CELF2: variants seen among roughly 807,000 people sequenced by gnomAD.
The protein encoded by CELF2 is CUG triplet repeat RNA-binding protein 2.
Under a neutral mutation model 62.6 loss-of-function variants are expected in CELF2, and 8 were observed. The ratio of observed to expected loss-of-function variants is 0.13; its 90% confidence interval spans 0.07 to 0.23. The LOEUF is 0.23. Ranked by LOEUF, CELF2 falls within the 10% of genes least tolerant of loss-of-function variation. CELF2 has a pLI of 1.00. For missense variants in CELF2, 333 were observed against 671.0 expected, an observed-to-expected ratio of 0.50 and a Z score of 5.56; for synonymous variants, 258 against 250.0, an observed-to-expected ratio of 1.03 and a Z score of -0.30.
rs620521 is a variant in CELF2, at chr10:11,159,981, C to T, written c.75-5505C>T. Among the ~76,000 whole-genome samples the T allele has an allele frequency of 0.35, 53,131 of 152,050 alleles. 10,031 individuals carry two copies. Among genetic ancestry groups the T allele is most frequent in the East Asian group, 0.78 (4,012 of 5,146 alleles). On this transcript the variant is annotated intron_variant, in intron 1 of 12. Transcript: ENST00000633077. This position sits in a 1 kb window ranked among gnomAD's most constrained non-coding sequence, Gnocchi z 5.0. Reference sequence around the variant, plus strand: ...GCACCCCAATTAACCGGCCACTCAGCGGCCTGTCGGAGCCTCCAGGCTACT... The same window carrying T: ...GCACCCCAATTAACCGGCCACTCAGTGGCCTGTCGGAGCCTCCAGGCTACT...
chr10:10,961,418 A>G (rs1211504265), intron 2 of CELF2, among the ~76,000 whole-genome samples: 1 of 152,242 alleles, frequency 6.6e-6, no homozygotes, highest in African/African-American at 2.4e-5. Context: ...AAATTAAAAC[A>G]ATGGTCTCAG....
intron 1 of CELF2, among the ~76,000 whole-genome samples, chr10:11,025,239 G>GTGTGTGTGTGTGTGTATATA (rs61580670): frequency 7.1e-6 from 1 of 140,998 alleles, no homozygotes; most frequent in African/African-American, 2.6e-5. Flanking sequence ...GTGTGTGTGT[G>GTGTGTGTGTGTGTGTATATA]TATATGTATG....
the CELF2 span, among the ~76,000 whole-genome samples, chr10:10,769,842 A>G: frequency 2.0e-4 from 31 of 152,282 alleles, no homozygotes; most frequent in Non-Finnish European, 4.0e-4. Context: ...TTAAGCAGAA[A>G]GGATCACTTA....
At chr10:10,888,860 T>C (rs1451292418) in intron 1 of CELF2, among the ~76,000 whole-genome samples, 3 of 152,196 alleles carry the variant, frequency 2.0e-5, no homozygotes, top group African/African-American at 7.2e-5. Context: ...TGATTCGTTA[T>C]TTAAATATAA....
At position 11,309,369 on chromosome 10, in the gene CELF2, C is replaced by T. The variant is rs750411029; in HGVS notation, c.977-4770C>T. ...GTGAAGTCTATTCCCCTGCACTGTG[C>T]CTCTGCTGTCACTCCTCAGAGGCCA... On this transcript the variant is annotated intron_variant, in intron 9 of 12. Coordinates refer to ENST00000633077, the MANE Select transcript of CELF2 (RefSeq NM_001326342.2). This position sits in a 1 kb window ranked among gnomAD's most constrained non-coding sequence, Gnocchi z 5.6. Among the ~76,000 whole-genome samples the T allele has an allele frequency of 6.6e-6, 1 of 152,198 alleles. No individual in the cohort carries two copies. Among genetic ancestry groups the T allele is most frequent in the African/African-American group, 2.4e-5 (1 of 41,450 alleles).
intron 1 of CELF2, among the ~76,000 whole-genome samples, chr10:10,889,268 T>C (rs1208234039): frequency 8.5e-5 from 13 of 152,264 alleles, no homozygotes; most frequent in African/African-American, 2.9e-4. Flanking sequence ...TGCCATGTGA[T>C]GGAGCCATTT....
rs968821200 is a variant in CELF2 at position 10,957,587 on chromosome 10, G to A, written c.89+37588G>A. Reference sequence around the variant, plus strand: ...CCTCTCCCTAGATAGAGGGCAGAGAGGTCAAAGTCAGTGGGCAACCTCTTA... The same window carrying A: ...CCTCTCCCTAGATAGAGGGCAGAGAAGTCAAAGTCAGTGGGCAACCTCTTA... On this transcript the variant is annotated intron_variant, in intron 2 of 13. Transcript: ENST00000636488. The surrounding 1 kb of genome is among the most constrained non-coding windows in gnomAD (Gnocchi z 4.1). 1.3e-5 allele frequency among the ~76,000 whole-genome samples: 2 copies of A among 152,168 alleles called. No homozygotes were observed. Among genetic ancestry groups the A allele is most frequent in the Non-Finnish European group, 2.9e-5 (2 of 68,022 alleles).
In CELF2 at chr10:11,315,767, G is replaced by T. The variant is rs1214997758; in HGVS notation, c.1096+1509G>T. 2.0e-5 allele frequency among the ~76,000 whole-genome samples: 3 copies of T among 152,212 alleles called. No individual in the cohort carries two copies. The highest frequency in any genetic ancestry group is 2.9e-5 in the Non-Finnish European group (2 of 68,040). ...TGACTTTTCCAGCAGCCAAGTAGGA[G>T]CCTCACTGCCTTGACCCCCATTTCC... On this transcript the variant is annotated intron_variant, in intron 10 of 12. Coordinates refer to ENST00000633077, the MANE Select transcript of CELF2 (RefSeq NM_001326342.2). This position sits in a 1 kb window ranked among gnomAD's most constrained non-coding sequence, Gnocchi z 5.8.
intron 1 of CELF2, among the ~76,000 whole-genome samples, chr10:11,163,347 C>T (rs995652694): frequency 6.6e-6 from 1 of 152,170 alleles, no homozygotes; most frequent in Non-Finnish European, 1.5e-5. Flanking sequence ...CAGCAGTAAC[C>T]ACAAGTCTTT....
intron 2 of CELF2, among the ~76,000 whole-genome samples, chr10:11,184,725 T>A (rs1012069474): frequency 1.3e-5 from 2 of 152,264 alleles, no homozygotes; most frequent in Non-Finnish European, 2.9e-5. Context: ...GAAATATAAT[T>A]GATTTTTGTG....
At chr10:10,709,580 T>C in the CELF2 span, among the ~76,000 whole-genome samples, 1 of 152,200 alleles carries the variant, frequency 6.6e-6, no homozygotes, top group Non-Finnish European at 1.5e-5. Context: ...GGGGAATATG[T>C]GAAGGTGGAT....
the CELF2 span, among the ~76,000 whole-genome samples, chr10:10,687,399 A>G: frequency 4.7e-4 from 72 of 152,290 alleles, no homozygotes; most frequent in Non-Finnish European, 8.8e-4. Flanking sequence ...AATTAAAATT[A>G]TCAAATACTA....
Position 11,005,405 on chromosome 10 carries a change from C to T in CELF2, c.18C>T (p.Ser6=), listed in dbSNP as rs754462854. Residue 6 remains serine (S), a synonymous_variant, in exon 1 of 13, where the codon TCC becomes TCT. Coordinates refer to the CELF2 transcript ENST00000416382. This position sits in a 1 kb window ranked among gnomAD's most constrained non-coding sequence, Gnocchi z 4.3. ...ATAGAAGCATGCGCTGTCCCAAATC[C>T]GCTGTTACTATGAGAAATGAAGAGC... is the stretch of plus-strand genomic sequence containing the variant. 4.3e-6 allele frequency: 7 copies of T among 1,613,724 alleles called. No individual in the cohort carries two copies. The East Asian group carries it at 6.7e-5, about 15-fold the overall frequency.
At chr10:11,193,650 G>A (rs1200702324) in intron 2 of CELF2, among the ~76,000 whole-genome samples, 2 of 152,166 alleles carry the variant, frequency 1.3e-5, no homozygotes, top group Non-Finnish European at 2.9e-5. Flanking sequence ...CCTAGGGGCC[G>A]GGTGTACAGC....
At chr10:10,695,335 C>T in the CELF2 span, among the ~76,000 whole-genome samples, 7 of 142,476 alleles carry the variant, frequency 4.9e-5, no homozygotes, top group African/African-American at 1.5e-4. Flanking sequence ...AATATTGGCC[C>T]CCACTCTCTT....
At chr10:11,128,877 C>G (rs899063940) in intron 1 of CELF2, among the ~76,000 whole-genome samples, 1 of 152,172 alleles carries the variant, frequency 6.6e-6, no homozygotes, top group Non-Finnish European at 1.5e-5. Flanking sequence ...ATTGCTTTCT[C>G]TTGACTGATT....
Position 11,305,919 on chromosome 10 carries a change from C to T in CELF2, c.977-8220C>T, listed in dbSNP as rs1439221817. Among the ~76,000 whole-genome samples, 2 of 152,212 alleles carry T rather than the reference C, an allele frequency of 1.3e-5. No individual in the cohort carries two copies. Among genetic ancestry groups the T allele is most frequent in the Non-Finnish European group, 2.9e-5 (2 of 68,038 alleles). ...CTCGCTTTTCCTGTTCTCCACACCC[C>T]ACCCTGCCCCACAAACAGTTTTCAC... is the stretch of plus-strand genomic sequence containing the variant. On this transcript the variant is annotated intron_variant, in intron 9 of 12. Coordinates refer to ENST00000633077, the MANE Select transcript of CELF2 (RefSeq NM_001326342.2). This position sits in a 1 kb window ranked among gnomAD's most constrained non-coding sequence, Gnocchi z 4.8.
chr10:11,162,168 A>T lies in CELF2; in HGVS notation c.75-3318A>T, dbSNP rs1203007166. Among the ~76,000 whole-genome samples the T allele has an allele frequency of 2.6e-5, 4 of 151,276 alleles. No homozygotes were observed. The East Asian group carries it at 7.8e-4, about 30-fold the overall frequency. On this transcript the variant is annotated intron_variant, in intron 1 of 12. Transcript: ENST00000633077. Reference sequence around the variant, plus strand: ...ACCCATTTCAGCAGTGCCAGGAGAGAGGTTGGTGGGACCGGACCACCTATT... The same window carrying T: ...ACCCATTTCAGCAGTGCCAGGAGAGTGGTTGGTGGGACCGGACCACCTATT...
At chr10:10,837,942 C>T (rs747746283) in intron 1 of CELF2, among the ~76,000 whole-genome samples, 1 of 152,174 alleles carries the variant, frequency 6.6e-6, no homozygotes, top group Non-Finnish European at 1.5e-5. Flanking sequence ...GTATATTTAT[C>T]ACAATTAATG....
Sources: gnomAD v4.1 joint callset for allele counts (sites outside exome capture counted in the v4.1 genomes callset) on GRCh38, gnomAD v4.1.1 for gene constraint, Gnocchi (gnomAD v3.1) non-coding constraint, MANE v1.5 for transcripts, NCBI Gene and HGNC (gene_info 2026-07-23, HGNC 2026-07-21) for gene names.